The following EXT1 variants were observed in gnomAD, a reference collection of about 807,000 sequenced individuals.
EXT1 encodes exostosin-1.
A neutral mutation model predicts 82.5 loss-of-function variants in EXT1; 20 were observed. That is an observed-to-expected ratio of 0.24 (90% CI 0.17 to 0.35). The LOEUF (loss-of-function observed/expected upper bound fraction) is 0.35, where lower values mean the gene tolerates loss of function less well. Among genes scored for constraint, EXT1 ranks in the 10% least tolerant of loss-of-function variants. The probability of loss-of-function intolerance (pLI) is 1.00; values close to 1 mark genes in which losing one functional copy is unlikely to be tolerated. For missense variants in EXT1, 757 were observed against 936.5 expected (o/e 0.81, Z 2.50); for synonymous variants, 348 against 350.8 (o/e 0.99, Z 0.09).
intron 1 of EXT1, among the ~76,000 whole-genome samples, chr8:117,993,140 A>C (rs1392347549): frequency 6.6e-6 from 1 of 152,172 alleles, no homozygotes; most frequent in Admixed American, 6.5e-5. Context: ...CCATTTTTAC[A>C]TTTCTTTCTT....
At position 117,986,193 on chromosome 8, in the gene EXT1, T is replaced by TTTCTTTTC. The variant is rs754802169; in HGVS notation, c.962+123891_962+123892insGAAAAGAA. Among the ~76,000 whole-genome samples the TTTCTTTTC allele has an allele frequency of 2.3e-3, 353 of 150,848 alleles. 5 individuals are homozygous for TTTCTTTTC. The highest frequency in any genetic ancestry group is 3.4e-3 in the Middle Eastern group (1 of 292). On this transcript the variant is annotated intron_variant, in intron 1 of 10. Transcript: ENST00000378204. ...CTTGCTTAACTATTCTTTTCTTTTTTTTTTTTTTTTTTTTGAGACGAAGTC... is the reference window on the plus strand; with the variant it reads ...CTTGCTTAACTATTCTTTTCTTTTTTTTCTTTTCTTTTTTTTTTTTTTGAGACGAAGTC...
At chr8:117,943,652 C>T (rs1474387135) in intron 1 of EXT1, among the ~76,000 whole-genome samples, 2 of 152,136 alleles carry the variant, frequency 1.3e-5, no homozygotes, top group African/African-American at 2.4e-5. Flanking sequence ...ATCACAATCA[C>T]CAGGAATATC....
At chr8:117,945,768 G>T (rs1440835243) in intron 1 of EXT1, among the ~76,000 whole-genome samples, 1 of 152,116 alleles carries the variant, frequency 6.6e-6, no homozygotes, top group East Asian at 1.9e-4. Context: ...CTCCCAAAGT[G>T]CTAGGATTAG....
chr8:117,920,489 T>G (rs765324858), intron 1 of EXT1, among the ~76,000 whole-genome samples: 3 of 152,224 alleles, frequency 2.0e-5, no homozygotes, highest in Non-Finnish European at 2.9e-5. Flanking sequence ...AAATCCCTCC[T>G]GTGTTCTTTC....
chr8:118,035,911 A>G (rs1326739359), intron 1 of EXT1, among the ~76,000 whole-genome samples: 10 of 152,224 alleles, frequency 6.6e-5, no homozygotes. Flanking sequence ...AACAGATTCT[A>G]TAACCTCTTT....
chr8:117,820,340 C>T (rs1179143447), intron 5 of EXT1, among the ~76,000 whole-genome samples: 1 of 152,180 alleles, frequency 6.6e-6, no homozygotes, highest in Non-Finnish European at 1.5e-5. Flanking sequence ...TGTGTTTCCA[C>T]AGCTGGGAAA....
intron 1 of EXT1, among the ~76,000 whole-genome samples, chr8:117,897,892 C>T (rs527954899): frequency 6.6e-6 from 1 of 152,152 alleles, no homozygotes; most frequent in African/African-American, 2.4e-5. Flanking sequence ...CGTGAACCAC[C>T]GCACCCAGCC....
chr8:118,009,569 C>T (rs912810954), intron 1 of EXT1, among the ~76,000 whole-genome samples: 3 of 152,162 alleles, frequency 2.0e-5, no homozygotes, highest in African/African-American at 4.8e-5. Context: ...GGCAGCAGAC[C>T]GACCCTAGTC....
At chr8:117,808,346 T>G (rs1002462280) in intron 8 of EXT1, among the ~76,000 whole-genome samples, 1 of 152,242 alleles carries the variant, frequency 6.6e-6, no homozygotes, top group Non-Finnish European at 1.5e-5. Flanking sequence ...ACAATACCCC[T>G]GTAAGGCAGG....
At chr8:118,109,037 C>A (rs1291214969) in intron 1 of EXT1, among the ~76,000 whole-genome samples, 10 of 152,128 alleles carry the variant, frequency 6.6e-5, no homozygotes, top group Admixed American at 6.5e-4. Flanking sequence ...AAGTGAGAGT[C>A]TGGGCGGCAA....
chr8:117,817,625 A>T (rs1563569664), intron 7 of EXT1, among the ~76,000 whole-genome samples: 2 of 152,150 alleles, frequency 1.3e-5, no homozygotes, highest in South Asian at 2.1e-4. Flanking sequence ...TGACAAGCAG[A>T]GATGATGAGT....
Position 117,902,503 on chromosome 8 carries a change from T to C in EXT1, c.963-65302A>G, listed in dbSNP as rs993924356. Among the ~76,000 whole-genome samples, 10 of 152,310 alleles carry C rather than the reference T, an allele frequency of 6.6e-5. No homozygotes were observed. The South Asian group carries it at 1.9e-3, about 28-fold the overall frequency. On this transcript the variant is annotated intron_variant, in intron 1 of 10. Coordinates refer to ENST00000378204, the MANE Select transcript of EXT1 (RefSeq NM_000127.3). ...TAACAGGTATGATGCCACTAGCTAA[T>C]AGGAATTTCTCAGTTCCATTAAGAT... is the stretch of plus-strand genomic sequence containing the variant.
intron 1 of EXT1, among the ~76,000 whole-genome samples, chr8:118,098,443 C>T (rs531396519): frequency 1.3e-5 from 2 of 152,194 alleles, no homozygotes; most frequent in South Asian, 2.1e-4. Context: ...ATTCTAGATA[C>T]TAGTCCATCA....
chr8:117,853,364 G>T (rs6999820), intron 1 of EXT1, among the ~76,000 whole-genome samples: 1 of 152,146 alleles, frequency 6.6e-6, no homozygotes, highest in African/African-American at 2.4e-5. Context: ...GGCCAACATG[G>T]TGAAACCCCC....
chr8:117,851,616 GACACACACACAC>G (rs35686154), intron 1 of EXT1, among the ~76,000 whole-genome samples: 15 of 147,906 alleles, frequency 1.0e-4, no homozygotes, highest in African/African-American at 2.5e-4. Context: ...AATTTAGCTG[GACACACACACAC>G]ACACACACAC....
chr8:117,836,924 G>A (rs919131237), intron 2 of EXT1, among the ~76,000 whole-genome samples, 184 bp downstream of exon 2: 3 of 152,122 alleles, frequency 2.0e-5, no homozygotes, highest in African/African-American at 7.2e-5. Flanking sequence ...TAAAATTACT[G>A]AGTAAATCCT....
chr8:117,834,945 T>C (rs1812164132), intron 3 of EXT1, among the ~76,000 whole-genome samples: 3 of 152,172 alleles, frequency 2.0e-5, no homozygotes, highest in Admixed American at 2.0e-4. Context: ...TTCAAACTTT[T>C]ATTAGGGGCT....
At chr8:117,913,884 A>G (rs1416786873) in intron 1 of EXT1, among the ~76,000 whole-genome samples, 1 of 152,232 alleles carries the variant, frequency 6.6e-6, no homozygotes, top group Non-Finnish European at 1.5e-5. Flanking sequence ...AAAGCTGAAT[A>G]TGGGAAAGAT....
chr8:117,973,785 G>A (rs1424277920), intron 1 of EXT1, among the ~76,000 whole-genome samples: 3 of 134,270 alleles, frequency 2.2e-5, no homozygotes, highest in Admixed American at 8.2e-5. Context: ...AAGAAGAGAT[G>A]AAAGAAAAGA....
Sources: allele counts gnomAD v4.1 joint callset (sites outside exome capture counted in the v4.1 genomes callset), GRCh38; gene constraint gnomAD v4.1.1; transcripts MANE v1.5; gene names NCBI Gene and HGNC (gene_info 2026-07-23, HGNC 2026-07-21).